MAGI1: variants seen among roughly 807,000 people sequenced by gnomAD.
The protein encoded by MAGI1 is membrane associated guanylate kinase, WW and PDZ domain containing 1, also known as membrane-associated guanylate kinase, WW and PDZ domain-containing protein 1.
Under a neutral mutation model 139.9 loss-of-function variants are expected in MAGI1, and 58 were observed. The observed-to-expected ratio is 0.41, with a 90% CI of 0.34 to 0.52. The LOEUF (loss-of-function observed/expected upper bound fraction) is 0.52, where lower values mean the gene tolerates loss of function less well. MAGI1 is among the 20% of genes least tolerant of loss of function. The pLI, the probability that MAGI1 is intolerant of heterozygous loss-of-function variation, is 0.12. For missense variants in MAGI1, 1,874 were observed against 1,901.6 expected, an observed-to-expected ratio of 0.99 and a Z score of 0.27; for synonymous variants, 812 against 737.9, an observed-to-expected ratio of 1.10 and a Z score of -1.63.
At chr3:65,475,692 G>T (rs1004658686) in intron 4 of MAGI1, among the ~76,000 whole-genome samples, 6 of 152,000 alleles carry the variant, frequency 3.9e-5, no homozygotes, top group Admixed American at 1.3e-4. Context: ...CTGTCCCATT[G>T]CTTTGTGTTC....
rs73833352 is a variant in MAGI1 at position 66,028,596 on chromosome 3, A to G, written c.313+9400T>C. 2.8e-3 allele frequency among the ~76,000 whole-genome samples: 421 copies of G among 152,228 alleles called. 1 individual carries two copies. Among genetic ancestry groups the G allele is most frequent in the African/African-American group, 9.1e-3 (380 of 41,548 alleles). On this transcript the variant is annotated intron_variant, in intron 1 of 22. Transcript: ENST00000402939. ...GAAGATGAGAGGACCACAGAGTCCC[A>G]TTCTCAAGAATCATCGTTGATGGTA...
intron 2 of MAGI1, among the ~76,000 whole-genome samples, chr3:65,595,419 G>A (rs1477723556): frequency 6.6e-6 from 1 of 152,172 alleles, no homozygotes; most frequent in Non-Finnish European, 1.5e-5. Flanking sequence ...AGCTTTTAGA[G>A]AATCTAGACT....
At chr3:65,727,242 T>G (rs548193729) in intron 1 of MAGI1, among the ~76,000 whole-genome samples, 2 of 152,338 alleles carry the variant, frequency 1.3e-5, no homozygotes, top group South Asian at 2.1e-4. Context: ...GACAGCACAC[T>G]TATTTAAATG....
At chr3:65,463,767 T>G (rs559009998) in intron 5 of MAGI1, among the ~76,000 whole-genome samples, 1 of 152,282 alleles carries the variant, frequency 6.6e-6, no homozygotes, top group African/African-American at 2.4e-5. Context: ...GGGCTTTTTT[T>G]GGTTGGTAGG....
intron 2 of MAGI1, among the ~76,000 whole-genome samples, chr3:65,606,347 A>G (rs1166158045): frequency 6.6e-6 from 1 of 151,708 alleles, no homozygotes; most frequent in East Asian, 1.9e-4. Context: ...TTGTTTATTT[A>G]TTTATTTTTT....
At chr3:65,616,559 C>T (rs1019700097) in intron 2 of MAGI1, among the ~76,000 whole-genome samples, 14 of 152,090 alleles carry the variant, frequency 9.2e-5, no homozygotes, top group Non-Finnish European at 4.4e-5. Context: ...AGAGCTATTG[C>T]TATTGTTACT....
At chr3:65,625,475 G>A (rs1264698073) in intron 1 of MAGI1, among the ~76,000 whole-genome samples, 3 of 152,122 alleles carry the variant, frequency 2.0e-5, no homozygotes, top group Non-Finnish European at 4.4e-5. Flanking sequence ...ATTAGCTGGT[G>A]AGTCTGAGAA....
intron 2 of MAGI1, among the ~76,000 whole-genome samples, chr3:65,533,589 C>T (rs894038434): frequency 2.0e-5 from 3 of 152,152 alleles, no homozygotes; most frequent in East Asian, 1.9e-4. Flanking sequence ...GTACCATGAT[C>T]GCCTCAAAAT....
chr3:65,681,931 C>A (rs1355705527), intron 1 of MAGI1, among the ~76,000 whole-genome samples: 1 of 152,046 alleles, frequency 6.6e-6, no homozygotes, highest in African/African-American at 2.4e-5. Context: ...GAACTTGTGA[C>A]TTCAAGCTAT....
At position 65,658,958 on chromosome 3, in the gene MAGI1, G is replaced by A. The variant is rs543872968; in HGVS notation, c.314-36870C>T. 3.9e-5 allele frequency among the ~76,000 whole-genome samples: 6 copies of A among 152,252 alleles called. 1 individual carries two copies. The South Asian group carries it at 1.2e-3, about 32-fold the overall frequency. On this transcript the variant is annotated intron_variant, in intron 1 of 22. Coordinates refer to ENST00000402939, the MANE Select transcript of MAGI1 (RefSeq NM_001033057.2). ...TATATCCACACCTTCTTTACTTGTG[G>A]ATTAATGACAGTTGCTTCCTTTTTA...
intron 1 of MAGI1, among the ~76,000 whole-genome samples, chr3:65,657,662 A>T (rs892228460): frequency 1.3e-5 from 2 of 151,952 alleles, no homozygotes; most frequent in African/African-American, 4.8e-5. Context: ...TTTAAAAGAA[A>T]TTTTTTTTGT....
rs60869248 is a variant in MAGI1 at position 65,494,564 on chromosome 3, C to G, written c.431-933G>C. On this transcript the variant is annotated intron_variant, in intron 2 of 22. Coordinates refer to ENST00000402939, the MANE Select transcript of MAGI1 (RefSeq NM_001033057.2). ...CGAAAAAAAAGAGCAAAAAATGTGA[C>G]TTCTGCTGTTACATTCAACAGAGCT... 3.3e-5 allele frequency among the ~76,000 whole-genome samples: 5 copies of G among 152,070 alleles called. 1 individual carries two copies. The highest frequency in any genetic ancestry group is 2.6e-4 in the Admixed American group (4 of 15,262).
chr3:65,867,099 A>G (rs1156305251), intron 1 of MAGI1, among the ~76,000 whole-genome samples: 1 of 152,188 alleles, frequency 6.6e-6, no homozygotes, highest in Non-Finnish European at 1.5e-5. Context: ...ATTGGAGACC[A>G]TTAAGAACAT....
At chr3:65,555,983 T>A (rs930883676) in intron 2 of MAGI1, among the ~76,000 whole-genome samples, 1 of 152,212 alleles carries the variant, frequency 6.6e-6, no homozygotes, top group African/African-American at 2.4e-5. Flanking sequence ...GACTCTCAAA[T>A]GTTATAATTT....
chr3:65,584,457 T>G (rs1310191810), intron 2 of MAGI1, among the ~76,000 whole-genome samples: 2 of 152,208 alleles, frequency 1.3e-5, no homozygotes, highest in Admixed American at 1.3e-4. Flanking sequence ...CGATAAGCAG[T>G]GTTTGACACA....
intron 9 of MAGI1, 22 bp downstream of exon 9, chr3:65,439,857 A>T (rs934200371): frequency 2.2e-5 from 36 of 1,608,738 alleles, no homozygotes; most frequent in Non-Finnish European, 3.0e-5. Flanking sequence ...ATCAAGAAAA[A>T]GCCTAGAGGA....
At chr3:66,034,207 G>C (rs1436132980) in intron 1 of MAGI1, among the ~76,000 whole-genome samples, 3 of 151,824 alleles carry the variant, frequency 2.0e-5, no homozygotes, top group Non-Finnish European at 4.4e-5. Flanking sequence ...ACTAAGGTGG[G>C]GCCCAGGAAT....
intron 2 of MAGI1, among the ~76,000 whole-genome samples, chr3:65,611,247 CTATATACATATATAGTATATA>C (rs1433751064): frequency 7.2e-6 from 1 of 139,246 alleles, no homozygotes; most frequent in Non-Finnish European, 1.5e-5. Context: ...ACTATATATA[CTATATACATATATAGTATATA>C]TACTATAAAT....
chr3:65,855,644 C>A, intron 1 of MAGI1, among the ~76,000 whole-genome samples: 2 of 10,796 alleles, frequency 1.9e-4, no homozygotes, highest in Admixed American at 8.8e-4. Flanking sequence ...AAGGGAGAAA[C>A]AGAGAGAGAG....
Sources: gnomAD v4.1 joint callset for allele counts (sites outside exome capture counted in the v4.1 genomes callset) on GRCh38, gnomAD v4.1.1 for gene constraint, MANE v1.5 for transcripts, NCBI Gene and HGNC (gene_info 2026-07-23, HGNC 2026-07-21) for gene names.